GUCY1A1: variants seen among roughly 807,000 people sequenced by gnomAD.
The protein encoded by GUCY1A1 is guanylate cyclase soluble subunit alpha-1.
GUCY1A1 carries 48 observed loss-of-function variants against 64.5 expected under a neutral mutation model. The observed-to-expected ratio is 0.74, with a 90% CI of 0.59 to 0.95. GUCY1A1 has a LOEUF of 0.95. Among genes scored for constraint, GUCY1A1 ranks in the 40% least tolerant of loss-of-function variants. The pLI is 0.00. For missense variants in GUCY1A1, 804 were observed against 825.3 expected (o/e 0.97, Z 0.32); for synonymous variants, 308 against 303.4 (o/e 1.02, Z -0.16).
rs1411823272 is a variant in GUCY1A1, at chr4:155,732,673, A to G, written c.*2442A>G. Among the ~76,000 whole-genome samples the G allele has an allele frequency of 1.3e-5, 2 of 151,834 alleles. No individual in the cohort carries two copies. Among genetic ancestry groups the G allele is most frequent in the African/African-American group, 2.4e-5 (1 of 41,374 alleles). The stretch of plus-strand genomic sequence containing the variant: ...GAGCTTTGAGGTATTGAAGATGGAA[A>G]AATAGTGGACAAACAGCCTGTAATC... On this transcript the variant is annotated 3_prime_UTR_variant, in exon 10 of 10. Coordinates refer to ENST00000506455, the MANE Select transcript of GUCY1A1 (RefSeq NM_001130682.3).
intron 4 of GUCY1A1, among the ~76,000 whole-genome samples, chr4:155,705,891 A>G (rs1731696869): frequency 6.6e-6 from 1 of 152,212 alleles, no homozygotes; most frequent in Middle Eastern, 3.2e-3. Flanking sequence ...CACGAGTAAC[A>G]TGAGAAGCAT....
intron 9 of GUCY1A1, among the ~76,000 whole-genome samples, chr4:155,728,031 A>G (rs10019374): frequency 0.036 from 5,465 of 152,046 alleles, 308 homozygotes; most frequent in African/African-American, 0.12. Context: ...ACTTTCATTT[A>G]GGTCCTGCCA....
chr4:155,714,694 G>A (rs2126885386), intron 7 of GUCY1A1, among the ~76,000 whole-genome samples: 1 of 152,278 alleles, frequency 6.6e-6, no homozygotes, highest in South Asian at 2.1e-4. Flanking sequence ...TATTATTCAT[G>A]ATAATACATA....
chr4:155,671,769 G>T (rs1233357234), intron 2 of GUCY1A1, among the ~76,000 whole-genome samples: 1 of 152,024 alleles, frequency 6.6e-6, no homozygotes, highest in African/African-American at 2.4e-5. Flanking sequence ...AGTATTTATA[G>T]AAAATGCTTT....
At chr4:155,687,540 G>A (rs906510829) in intron 2 of GUCY1A1, among the ~76,000 whole-genome samples, 25 of 152,078 alleles carry the variant, frequency 1.6e-4, no homozygotes, top group Non-Finnish European at 2.8e-4. Context: ...CACTACCACC[G>A]AGTAGCATTT....
chr4:155,713,169 T>C lies in GUCY1A1; in HGVS notation c.1158T>C (p.Cys386=). The C allele has an allele frequency of 6.2e-7, 1 of 1,613,942 alleles. No homozygotes were observed. ...SSAILFLGSP[C]VDRLEDFTGR... ...CAATCTTGTTTTTGGGGTCACCCTG[T>C]GTGGACAGATTAGAAGATTTTACAG... The change falls in exon 7 of 10, where the codon TGT becomes TGC. Residue 386 remains cysteine, a synonymous_variant. Transcript: ENST00000506455.
chr4:155,696,895 A>G lies in GUCY1A1; in HGVS notation c.28A>G (p.Lys10Glu), dbSNP rs6854098. Residue 10 changes from lysine to glutamate, a missense_variant, in exon 3 of 10, where the codon AAG becomes GAG. By Grantham distance (56) the Lys-to-Glu change is moderately conservative. Transcript: ENST00000506455. ...GTTCTGCACGAAGCTCAAGGATCTC[A>G]AGATCACAGGAGAGTGTCCTTTCTC... The part of the protein sequence containing the change: MFCTKLKDL[K>E]ITGECPFSLL... The G allele has an allele frequency of 2.5e-6, 4 of 1,609,408 alleles. No homozygotes were observed. In the South Asian group the frequency reaches 4.4e-5, roughly 18 times the overall value.
Position 155,673,065 on chromosome 4 carries a change from C to T in GUCY1A1, c.-113+5646C>T, listed in dbSNP as rs917109767. Among the ~76,000 whole-genome samples the T allele has an allele frequency of 2.6e-4, 38 of 146,794 alleles. 3 individuals carry two copies. Among genetic ancestry groups the T allele is most frequent in the African/African-American group, 9.9e-4 (36 of 36,324 alleles). ...TGTACTGTGATTTGAATATCTTTATCCAGTGTGCTCTTCCTATATCTAATA... is the reference window on the plus strand; with the variant it reads ...TGTACTGTGATTTGAATATCTTTATTCAGTGTGCTCTTCCTATATCTAATA... On this transcript the variant is annotated intron_variant, in intron 2 of 9. Coordinates refer to ENST00000506455, the MANE Select transcript of GUCY1A1 (RefSeq NM_001130682.3).
chr4:155,697,088 T>G lies in GUCY1A1; in HGVS notation c.221T>G (p.Leu74Trp), dbSNP rs1238701991. Residue 74 changes from leucine (L) to tryptophan (W), a missense_variant, in exon 3 of 10, where the codon TTG becomes TGG. Leu to Trp is a moderately conservative substitution (Grantham distance 61). Transcript: ENST00000506455. The part of the protein sequence containing the change: ...TSRSRVYLHT[L>W]AESICKLIFP... ...CGGAGCCGAGTCTATCTTCACACTT[T>G]GGCAGAGAGTATTTGCAAACTGATT... The G allele has an allele frequency of 1.2e-6, 2 of 1,613,584 alleles. No individual in the cohort carries two copies. Among genetic ancestry groups the G allele is most frequent in the African/African-American group, 1.3e-5 (1 of 75,030 alleles).
chr4:155,734,790 A>G lies in GUCY1A1; in HGVS notation c.*4559A>G, dbSNP rs1735901893. Reference sequence around the variant, plus strand: ...GCAGTGACTGCTTAACTTATTAAGCAGAGAAAACCAAAATGTCATTTTCAA... The same window carrying G: ...GCAGTGACTGCTTAACTTATTAAGCGGAGAAAACCAAAATGTCATTTTCAA... On this transcript the variant is annotated 3_prime_UTR_variant, in exon 10 of 10. Coordinates refer to ENST00000506455, the MANE Select transcript of GUCY1A1 (RefSeq NM_001130682.3). 6.6e-6 allele frequency: 1 copy of G among 151,994 alleles called. No individual in the cohort carries two copies. The highest frequency in any genetic ancestry group is 2.1e-4 in the South Asian group (1 of 4,828). 9.4% of individuals were successfully genotyped at this position (151,994 alleles called of 1,614,324 possible).
intron 2 of GUCY1A1, among the ~76,000 whole-genome samples, chr4:155,676,704 T>C (rs1456953912): frequency 6.6e-6 from 1 of 151,562 alleles, no homozygotes; most frequent in Non-Finnish European, 1.5e-5. Flanking sequence ...TGTATTTTAC[T>C]GCCTGACTGC....
At chr4:155,674,226 G>A (rs1489240459) in intron 2 of GUCY1A1, among the ~76,000 whole-genome samples, 1 of 151,168 alleles carries the variant, frequency 6.6e-6, no homozygotes, top group African/African-American at 2.5e-5. Context: ...ATGGTGGTGG[G>A]TGCCTGTAAT....
chr4:155,678,331 A>C (rs1579004729), intron 2 of GUCY1A1, among the ~76,000 whole-genome samples: 1 of 152,238 alleles, frequency 6.6e-6, no homozygotes. Flanking sequence ...GACATCCCCA[A>C]GAGTTTGCAA....
chr4:155,681,817 G>A (rs1046944250), intron 2 of GUCY1A1, among the ~76,000 whole-genome samples: 2 of 152,124 alleles, frequency 1.3e-5, no homozygotes, highest in African/African-American at 4.8e-5. Context: ...TTCTGCTATG[G>A]GGAGGAGCAC....
At chr4:155,692,880 G>A (rs866433146) in intron 2 of GUCY1A1, among the ~76,000 whole-genome samples, 2 of 151,972 alleles carry the variant, frequency 1.3e-5, no homozygotes, top group African/African-American at 4.8e-5. Flanking sequence ...CCAGCATGGC[G>A]AAACCCCATC....
At position 155,726,670 on chromosome 4, in the gene GUCY1A1, C is replaced by T. The variant is rs191010780; in HGVS notation, c.1872-3360C>T. On this transcript the variant is annotated intron_variant, in intron 9 of 9. Coordinates refer to ENST00000506455, the MANE Select transcript of GUCY1A1 (RefSeq NM_001130682.3). ...ACCTGTATCTTCAAATTTCCACTTC[C>T]AAATTCTAATCAGTGATTCAGAATG... 1.2e-4 allele frequency among the ~76,000 whole-genome samples: 18 copies of T among 152,056 alleles called. No homozygotes were observed. In the East Asian group the frequency reaches 3.3e-3, roughly 28 times the overall value.
At chr4:155,691,969 C>G (rs1214314178) in intron 2 of GUCY1A1, among the ~76,000 whole-genome samples, 1 of 152,084 alleles carries the variant, frequency 6.6e-6, no homozygotes, top group Non-Finnish European at 1.5e-5. Context: ...CAAAAGGCCC[C>G]AGTGAGTGTT....
chr4:155,709,159 C>A (rs1459887833), intron 5 of GUCY1A1, among the ~76,000 whole-genome samples: 1 of 151,034 alleles, frequency 6.6e-6, no homozygotes, highest in African/African-American at 2.4e-5. Context: ...GACTCTGTAA[C>A]TATAAAAAAT....
In GUCY1A1 at chr4:155,710,957, A is replaced by G; in HGVS notation, c.792A>G (p.Pro264=). Residue 264 remains proline, a synonymous_variant, in exon 6 of 10, where the codon CCA becomes CCG. Transcript: ENST00000506455. The part of the protein sequence containing the change: ...LYSVHMKSTK[P]SLSPSKPQSS... ...CCGTTCACATGAAAAGCACCAAGCC[A>G]TCCCTGTCCCCCAGCAAACCCCAGT... 1 of 1,613,520 alleles carries G rather than the reference A, an allele frequency of 6.2e-7. No homozygotes were observed. The highest frequency in any genetic ancestry group is 8.5e-7 in the Non-Finnish European group (1 of 1,179,412).
Sources: gnomAD v4.1 joint callset for allele counts (sites outside exome capture counted in the v4.1 genomes callset) on GRCh38, gnomAD v4.1.1 for gene constraint, MANE v1.5 for transcripts, NCBI Gene and HGNC (gene_info 2026-07-23, HGNC 2026-07-21) for gene names.